The following TMEM135 variants were observed in gnomAD, a reference collection of about 807,000 sequenced individuals.
TMEM135 encodes transmembrane protein 135, also known as peroxisomal membrane protein 52.
In TMEM135, 30 loss-of-function variants were observed where a neutral mutation model predicts 60.3. That is an observed-to-expected ratio of 0.50 (90% CI 0.37 to 0.68). The LOEUF (loss-of-function observed/expected upper bound fraction) is 0.68. Ranked by LOEUF, TMEM135 falls within the 30% of genes least tolerant of loss-of-function variation. The probability of loss-of-function intolerance (pLI) is 0.00; values close to 1 mark genes in which losing one functional copy is unlikely to be tolerated. For synonymous variants in TMEM135, 190 were observed against 186.7 expected (o/e 1.02, Z -0.14); for missense variants, 468 against 548.8 (o/e 0.85, Z 1.47).
intron 5 of TMEM135, among the ~76,000 whole-genome samples, chr11:87,163,570 G>T (rs1051731957): frequency 6.6e-6 from 1 of 152,046 alleles, no homozygotes; most frequent in Admixed American, 6.5e-5. Flanking sequence ...GGATGGCTGG[G>T]TCAAATGGTA....
At chr11:87,274,495 T>A (rs1035302744) in intron 6 of TMEM135, among the ~76,000 whole-genome samples, 2 of 152,212 alleles carry the variant, frequency 1.3e-5, no homozygotes, top group African/African-American at 4.8e-5. Flanking sequence ...TGAGATTCTT[T>A]TTCAGAAAGA....
intron 6 of TMEM135, among the ~76,000 whole-genome samples, chr11:87,289,450 T>TTTTTTTTTTTTTTTTG (rs1942226708): frequency 1.6e-5 from 1 of 60,756 alleles, no homozygotes; most frequent in East Asian, 2.8e-4. Flanking sequence ...TTTTTTTTTT[T>TTTTTTTTTTTTTTTTG]TTTTTTTTTT....
At chr11:87,242,050 G>C (rs1352285543) in intron 6 of TMEM135, among the ~76,000 whole-genome samples, 1 of 148,462 alleles carries the variant, frequency 6.7e-6, no homozygotes, top group African/African-American at 2.5e-5. Context: ...CCCTTCCTGT[G>C]TCCATGTGTT....
intron 5 of TMEM135, among the ~76,000 whole-genome samples, chr11:87,209,127 A>C (rs1940303500): frequency 6.6e-6 from 1 of 152,228 alleles, no homozygotes; most frequent in South Asian, 2.1e-4. Flanking sequence ...TTGGCACTAT[A>C]AAGCAACTAT....
intron 4 of TMEM135, among the ~76,000 whole-genome samples, chr11:87,142,240 G>A (rs492211): frequency 0.48 from 72,210 of 151,860 alleles, 17,462 homozygotes; most frequent in East Asian, 0.67. Flanking sequence ...GTGTTGGTAG[G>A]GAGTTGCCTA....
intron 12 of TMEM135, among the ~76,000 whole-genome samples, chr11:87,317,932 C>T (rs1461978750): frequency 6.6e-6 from 1 of 152,086 alleles, no homozygotes; most frequent in Admixed American, 6.6e-5. Flanking sequence ...AAAAGTACTA[C>T]TACTTGAAGC....
intron 4 of TMEM135, among the ~76,000 whole-genome samples, chr11:87,157,092 A>G (rs1455234605): frequency 1.4e-5 from 2 of 139,736 alleles, no homozygotes; most frequent in South Asian, 2.2e-4. Context: ...TTTTTTTTAG[A>G]CAGGGTCTCA....
At chr11:87,148,167 AAG>A (rs1014757327) in intron 4 of TMEM135, among the ~76,000 whole-genome samples, 1 of 152,224 alleles carries the variant, frequency 6.6e-6, no homozygotes, top group African/African-American at 2.4e-5. Context: ...ACTCAAAAGA[AAG>A]AGACATTTCA....
intron 5 of TMEM135, among the ~76,000 whole-genome samples, chr11:87,235,870 T>C (rs1320955095): frequency 1.3e-5 from 2 of 151,996 alleles, no homozygotes; most frequent in African/African-American, 4.8e-5. Context: ...TTTCAGATGT[T>C]CTTGTGCCTG....
chr11:87,304,205 TA>T (rs1027260357), intron 8 of TMEM135, among the ~76,000 whole-genome samples: 3 of 151,948 alleles, frequency 2.0e-5, no homozygotes, highest in Non-Finnish European at 4.4e-5. Context: ...ACCCTGCCTC[TA>T]AAAAAAATTT....
At chr11:87,053,404 G>A (rs1181494362) in intron 1 of TMEM135, among the ~76,000 whole-genome samples, 5 of 152,188 alleles carry the variant, frequency 3.3e-5, no homozygotes, top group East Asian at 3.9e-4. Flanking sequence ...AGCTTTGGAA[G>A]TGAAAAATGT....
At chr11:87,204,254 A>G (rs1293409180) in intron 5 of TMEM135, among the ~76,000 whole-genome samples, 1 of 151,076 alleles carries the variant, frequency 6.6e-6, no homozygotes, top group Non-Finnish European at 1.5e-5. Context: ...AATGAATGAA[A>G]TGAATATTCG....
intron 4 of TMEM135, among the ~76,000 whole-genome samples, chr11:87,123,976 C>T (rs1239185473): frequency 6.6e-6 from 1 of 152,138 alleles, no homozygotes; most frequent in Non-Finnish European, 1.5e-5. Context: ...TGAATCTGCA[C>T]CTGAAACTAA....
chr11:87,184,260 C>T lies in TMEM135; in HGVS notation c.462+26854C>T, dbSNP rs533082973. ...ATATCACATATTTATTGCACAAGAA[C>T]TGTTTGATTTTCGATAGCCTTTCTA... On this transcript the variant is annotated intron_variant, in intron 5 of 14. Coordinates refer to ENST00000305494, the MANE Select transcript of TMEM135 (RefSeq NM_022918.4). Among the ~76,000 whole-genome samples, 112 of 152,136 alleles carry T rather than the reference C, an allele frequency of 7.4e-4. 2 individuals are homozygous for T. The highest frequency in any genetic ancestry group is 2.6e-3 in the African/African-American group (106 of 41,490).
chr11:87,123,008 A>G (rs1326043791), intron 4 of TMEM135, among the ~76,000 whole-genome samples: 1 of 152,264 alleles, frequency 6.6e-6, no homozygotes, highest in African/African-American at 2.4e-5. Flanking sequence ...GCGTAGAATG[A>G]AAACATACAT....
At chr11:87,066,224 TATTATGTTCTAA>T (rs1275787656) in intron 1 of TMEM135, among the ~76,000 whole-genome samples, 1 of 152,216 alleles carries the variant, frequency 6.6e-6, no homozygotes, top group African/African-American at 2.4e-5. Flanking sequence ...ACTCCTTCCC[TATTATGTTCTAA>T]CCTTTTTGGT....
chr11:87,293,421 G>T (rs1271390752), intron 6 of TMEM135, among the ~76,000 whole-genome samples: 1 of 151,276 alleles, frequency 6.6e-6, no homozygotes, highest in Non-Finnish European at 1.5e-5. Context: ...CGAGATACAT[G>T]TGCAGAACAT....
chr11:87,065,440 G>A (rs1009811438), intron 1 of TMEM135, among the ~76,000 whole-genome samples: 7 of 152,132 alleles, frequency 4.6e-5, no homozygotes, highest in African/African-American at 1.4e-4. Flanking sequence ...GATGGCTAAT[G>A]TGCTTATTTG....
At chr11:87,173,780 A>G (rs1428463868) in intron 5 of TMEM135, among the ~76,000 whole-genome samples, 1 of 152,142 alleles carries the variant, frequency 6.6e-6, no homozygotes, top group Admixed American at 6.6e-5. Context: ...TGATATTTTG[A>G]TCCACAGCTA....
Sources: allele counts gnomAD v4.1 joint callset (sites outside exome capture counted in the v4.1 genomes callset), GRCh38; gene constraint gnomAD v4.1.1; transcripts MANE v1.5; gene names NCBI Gene and HGNC (gene_info 2026-07-23, HGNC 2026-07-21).